The following GPX8 variants were observed in gnomAD, a reference collection of about 807,000 sequenced individuals.
The protein encoded by GPX8 is protein peroxidase GPX8.
A neutral mutation model predicts 17.8 loss-of-function variants in GPX8; 12 were observed. The observed-to-expected ratio is 0.67, with a 90% CI of 0.43 to 1.09. GPX8 has a LOEUF of 1.09. Ranked by LOEUF, GPX8 falls within the 50% of genes least tolerant of loss-of-function variation. The pLI, the probability that GPX8 is intolerant of heterozygous loss-of-function variation, is 0.00. For synonymous variants in GPX8, 86 were observed against 88.1 expected (o/e 0.98, Z 0.14); for missense variants, 209 against 235.6 (o/e 0.89, Z 0.74).
intron 2 of GPX8, among the ~76,000 whole-genome samples, chr5:55,162,090 C>T: frequency 2.2e-5 from 2 of 90,704 alleles, no homozygotes; most frequent in East Asian, 6.1e-4. Flanking sequence ...CCATATTAGT[C>T]AAAAAAAAAA....
intron 2 of GPX8, among the ~76,000 whole-genome samples, chr5:55,163,074 G>A (rs571853624): frequency 5.5e-4 from 84 of 152,048 alleles, no homozygotes; most frequent in Non-Finnish European, 9.7e-4. Flanking sequence ...GAAGCACGGA[G>A]CGTACATTAA....
chr5:55,160,481 A>G, intron 1 of GPX8, 85 bp downstream of exon 1: 2 of 1,037,394 alleles, frequency 1.9e-6, no homozygotes, highest in South Asian at 3.0e-5. Flanking sequence ...TTTTGCTGTT[A>G]CATGGTCATA....
Position 55,161,164 on chromosome 5 carries a change from T to A in GPX8, c.375T>A (p.Phe125Leu). 6.2e-7 allele frequency: 1 copy of A among 1,614,204 alleles called. No homozygotes were observed. The highest frequency in any genetic ancestry group is 1.7e-5 in the Admixed American group (1 of 60,012). Residue 125 changes from phenylalanine (F) to leucine (L), a missense_variant, in exon 2 of 3, where the codon TTT (phenylalanine) becomes TTA (leucine). Phe to Leu is a conservative substitution (Grantham distance 22). Coordinates refer to ENST00000503787, the MANE Select transcript of GPX8 (RefSeq NM_001008397.4). ...GCCCAAGCAAGGAAGTAGAATCTTTTGCAAGAAAAAACTACGGAGTAACTT... is the reference window on the plus strand; with the variant it reads ...GCCCAAGCAAGGAAGTAGAATCTTTAGCAAGAAAAAACTACGGAGTAACTT... ...EPRPSKEVES[F>L]ARKNYGVTFP...
chr5:55,160,822 C>G, intron 1 of GPX8, 172 bp from the exon 2 acceptor site: 2 of 624,284 alleles, frequency 3.2e-6, no homozygotes, highest in African/African-American at 3.7e-5. Flanking sequence ...GGGCCTTAAC[C>G]CAGGCATCTA....
intron 2 of GPX8, among the ~76,000 whole-genome samples, chr5:55,162,789 A>G (rs1744151582): frequency 1.3e-5 from 2 of 152,250 alleles, no homozygotes; most frequent in South Asian, 4.1e-4. Context: ...ATTTCTCTTT[A>G]TCACTACAAA....
Position 55,161,269 on chromosome 5 carries a change from T to C in GPX8, c.466+14T>C. 1.2e-6 allele frequency: 2 copies of C among 1,607,356 alleles called. No individual in the cohort carries two copies. The highest frequency in any genetic ancestry group is 4.5e-5 in the East Asian group (2 of 44,850). The stretch of plus-strand genomic sequence containing the variant: ...GATTTCTTGTTGGTAAATATCTGCC[T>C]TGCATATGCTGTTTTAAATTGCTTT... On this transcript the variant is annotated intron_variant, in intron 2 of 2. Coordinates refer to ENST00000503787, the MANE Select transcript of GPX8 (RefSeq NM_001008397.4).
chr5:55,164,025 G>A, intron 2 of GPX8, 30 bp from the exon 3 acceptor site: 1 of 1,470,844 alleles, frequency 6.8e-7, no homozygotes, highest in Non-Finnish European at 9.2e-7. Flanking sequence ...ATAAAATTAT[G>A]CTCATGAAAA....
In GPX8 at chr5:55,164,970, A is replaced by G. The variant is rs1744304104; in HGVS notation, c.*752A>G. On this transcript the variant is annotated 3_prime_UTR_variant, in exon 3 of 3. Coordinates refer to ENST00000503787, the MANE Select transcript of GPX8 (RefSeq NM_001008397.4). The stretch of plus-strand genomic sequence containing the variant: ...TAGAAGCAACTCAAATTCTGTAATC[A>G]TAATATTACCAAGTAAGTCAGTCTT... 1 of 152,250 alleles carries G rather than the reference A, an allele frequency of 6.6e-6. No individual in the cohort carries two copies. Among genetic ancestry groups the G allele is most frequent in the East Asian group, 1.9e-4 (1 of 5,206 alleles). 9.4% of individuals were successfully genotyped at this position (152,250 alleles called of 1,614,324 possible).
In GPX8 at chr5:55,160,267, A is replaced by AGTTACT; in HGVS notation, c.78_79insACTGTT (p.Val26_Leu27insThrVal). The stretch of plus-strand genomic sequence containing the variant: ...AGGTATTTGCAGTTTTGCTGTCTAT[A>AGTTACT]GTTCTATGCACAGTAACGCTATTTC... On this transcript the variant is annotated inframe_insertion, in exon 1 of 3. Coordinates refer to ENST00000503787, the MANE Select transcript of GPX8 (RefSeq NM_001008397.4). 3.7e-6 allele frequency: 6 copies of AGTTACT among 1,613,874 alleles called. No individual in the cohort carries two copies. Among genetic ancestry groups the AGTTACT allele is most frequent in the African/African-American group, 2.7e-5 (2 of 74,928 alleles).
In GPX8 at chr5:55,164,450, G is replaced by A. The variant is rs1356479494; in HGVS notation, c.*232G>A. ...ATTAAGTGGTAATGAATGTTCCCAGGATGAGGATGTTACCCAAAGCAAAAA... is the reference window on the plus strand; with the variant it reads ...ATTAAGTGGTAATGAATGTTCCCAGAATGAGGATGTTACCCAAAGCAAAAA... On this transcript the variant is annotated 3_prime_UTR_variant, in exon 3 of 3. Transcript: ENST00000503787. 1 of 290,646 alleles carries A rather than the reference G, an allele frequency of 3.4e-6. No individual in the cohort carries two copies. The highest frequency in any genetic ancestry group is 5.7e-5 in the East Asian group (1 of 17,450). 18.0% of individuals were successfully genotyped at this position (290,646 alleles called of 1,614,324 possible). A position where few individuals can be genotyped will look rare whatever the true frequency, so the allele number is the denominator to read the frequency against.
chr5:55,163,945 C>A, intron 2 of GPX8, 110 bp from the exon 3 acceptor site: 1 of 756,014 alleles, frequency 1.3e-6, no homozygotes, highest in Non-Finnish European at 2.0e-6. Context: ...TATATTATGA[C>A]AGTCCTAGAA....
At position 55,164,062 on chromosome 5, in the gene GPX8, A is replaced by G. The variant is rs143602859; in HGVS notation, c.474A>G (p.Ser158=). Reference sequence around the variant, plus strand: ...ATGTTCTGGATATTTTAGATTCTTCAAAGAAGGAACCAAGGTGGAATTTTT... The same window carrying G: ...ATGTTCTGGATATTTTAGATTCTTCGAAGAAGGAACCAAGGTGGAATTTTT... ...EPAFRFLVDS[S]KKEPRWNFWK... The change falls in exon 3 of 3, where the codon TCA becomes TCG. Residue 158 remains serine (S), a synonymous_variant. Transcript: ENST00000503787. 479 of 1,574,644 alleles carry G rather than the reference A, an allele frequency of 3.0e-4. No homozygotes were observed. Among genetic ancestry groups the G allele is most frequent in the Middle Eastern group, 2.0e-3 (12 of 5,876 alleles).
At position 55,161,173 on chromosome 5, in the gene GPX8, A is replaced by C; in HGVS notation, c.384A>C (p.Lys128Asn). 6.2e-7 allele frequency: 1 copy of C among 1,614,216 alleles called. No homozygotes were observed. Among genetic ancestry groups the C allele is most frequent in the South Asian group, 1.1e-5 (1 of 91,086 alleles). Residue 128 changes from lysine to asparagine, a missense_variant, in exon 2 of 3, where the codon AAA (lysine) becomes AAC (asparagine). Transcript: ENST00000503787. Reference sequence around the variant, plus strand: ...AGGAAGTAGAATCTTTTGCAAGAAAAAACTACGGAGTAACTTTCCCCATCT... The same window carrying C: ...AGGAAGTAGAATCTTTTGCAAGAAACAACTACGGAGTAACTTTCCCCATCT... Reference protein sequence around the residue: ...PSKEVESFARKNYGVTFPIFH... With the variant: ...PSKEVESFARNNYGVTFPIFH...
chr5:55,164,379 C>A lies in GPX8; in HGVS notation c.*161C>A. Reference sequence around the variant, plus strand: ...TGCAACCTCTGCCTTTTTAAACATGCTATTAAATGTGGCAATGAAGGATTT... The same window carrying A: ...TGCAACCTCTGCCTTTTTAAACATGATATTAAATGTGGCAATGAAGGATTT... On this transcript the variant is annotated 3_prime_UTR_variant, in exon 3 of 3. Coordinates refer to ENST00000503787, the MANE Select transcript of GPX8 (RefSeq NM_001008397.4). 2.4e-6 allele frequency: 1 copy of A among 415,932 alleles called. No homozygotes were observed. The highest frequency in any genetic ancestry group is 4.1e-6 in the Non-Finnish European group (1 of 243,354). The allele number at this position is 415,932 out of a possible 1,614,324, so 25.8% of individuals were successfully genotyped here. A position where few individuals can be genotyped will look rare whatever the true frequency, so the allele number is the denominator to read the frequency against.
intron 1 of GPX8, 43 bp downstream of exon 1, chr5:55,160,439 G>A: frequency 6.6e-7 from 1 of 1,513,972 alleles, no homozygotes. Flanking sequence ...ATTTTTCCTT[G>A]TCTCTGTTTA....
chr5:55,165,504 G>T lies in GPX8; in HGVS notation c.*1286G>T, dbSNP rs538013239. ...TTCTGACCTGATGGATGAAAGTGAA[G>T]ATGTTTCGTATGGCAAATTCAGTAA... On this transcript the variant is annotated 3_prime_UTR_variant, in exon 3 of 3. Coordinates refer to ENST00000503787, the MANE Select transcript of GPX8 (RefSeq NM_001008397.4). 3 of 152,332 alleles carry T rather than the reference G, an allele frequency of 2.0e-5. No homozygotes were observed. Among genetic ancestry groups the T allele is most frequent in the East Asian group, 3.9e-4 (2 of 5,190 alleles). 9.4% of individuals were successfully genotyped at this position (152,332 alleles called of 1,614,324 possible).
chr5:55,162,987 A>G (rs1333038407), intron 2 of GPX8, among the ~76,000 whole-genome samples: 1 of 152,158 alleles, frequency 6.6e-6, no homozygotes, highest in Non-Finnish European at 1.5e-5. Context: ...GCTTCCATTT[A>G]TCTCATCTGC....
rs966985413 is a variant in GPX8 at position 55,166,523 on chromosome 5, C to G, written c.*2305C>G. 1 of 152,206 alleles carries G rather than the reference C, an allele frequency of 6.6e-6. No individual in the cohort carries two copies. Among genetic ancestry groups the G allele is most frequent in the Non-Finnish European group, 1.5e-5 (1 of 68,050 alleles). The allele number at this position is 152,206 out of a possible 1,614,324, so 9.4% of individuals were successfully genotyped here. Reference sequence around the variant, plus strand: ...CCTTCGGGGTTCTGTAACAATTAGGCTATGTGTGCTGAGAGAGGGAGCGGA... The same window carrying G: ...CCTTCGGGGTTCTGTAACAATTAGGGTATGTGTGCTGAGAGAGGGAGCGGA... On this transcript the variant is annotated 3_prime_UTR_variant, in exon 3 of 3. Transcript: ENST00000503787.
At chr5:55,163,754 C>A (rs190612331) in intron 2 of GPX8, among the ~76,000 whole-genome samples, 1 of 150,506 alleles carries the variant, frequency 6.6e-6, no homozygotes, top group East Asian at 2.0e-4. Flanking sequence ...GTGATCCACC[C>A]GCCTCAGCCT....
Sources: gnomAD v4.1 joint callset for allele counts (sites outside exome capture counted in the v4.1 genomes callset) on GRCh38, gnomAD v4.1.1 for gene constraint, MANE v1.5 for transcripts, NCBI Gene and HGNC (gene_info 2026-07-23, HGNC 2026-07-21) for gene names.